The following SHPK variants were observed in gnomAD, a reference collection of about 807,000 sequenced individuals.
SHPK encodes sedoheptulokinase, also known as carbohydrate kinase-like protein.
SHPK carries 51 observed loss-of-function variants against 46.3 expected under a neutral mutation model. The observed-to-expected ratio is 1.10, with a 90% confidence interval of 0.88 to 1.39. SHPK has a LOEUF of 1.39. SHPK is among the 40% of genes most tolerant of loss of function. The pLI, the probability that SHPK is intolerant of heterozygous loss-of-function variation, is 0.00. For synonymous variants in SHPK, 290 were observed against 273.9 expected (o/e 1.06, Z -0.58); for missense variants, 668 against 641.3 (o/e 1.04, Z -0.45).
In SHPK at chr17:3,610,617, T is replaced by C. The variant is rs1180066047; in HGVS notation, c.1380A>G (p.Ala460=). ...GCATGACCAGAGCTGCCCCGACAGC[T>C]GCATCCACATCCTGCCCAAAGGACA... is the stretch of plus-strand genomic sequence containing the variant. ...LPMSFGQDVD[A]AVGAALVMLR... Residue 460 remains alanine, a synonymous_variant, in exon 7 of 7, where the codon GCA becomes GCG. Transcript: ENST00000225519. 6 of 1,613,770 alleles carry C rather than the reference T, an allele frequency of 3.7e-6. No homozygotes were observed. The highest frequency in any genetic ancestry group is 5.1e-6 in the Non-Finnish European group (6 of 1,179,842).
chr17:3,619,764 A>G (rs2075389257), intron 5 of SHPK: 4 of 411,820 alleles, frequency 9.7e-6, no homozygotes, highest in Non-Finnish European at 1.9e-5. Context: ...AAGAAGAATG[A>G]TTTGTAGATG....
At position 3,625,858 on chromosome 17, in the gene SHPK, G is replaced by T. The variant is rs146373904; in HGVS notation, c.311-1627C>A. Among the ~76,000 whole-genome samples, 28 of 152,302 alleles carry T rather than the reference G, an allele frequency of 1.8e-4. No homozygotes were observed. The East Asian group carries it at 4.6e-3, about 25-fold the overall frequency. On this transcript the variant is annotated intron_variant, in intron 2 of 6. Coordinates refer to ENST00000225519, the MANE Select transcript of SHPK (RefSeq NM_013276.4). ...ACCTGAGGTGAGGAGTTCGAGACCA[G>T]CCTGGACAACATGGCGAAACCCCAT...
At position 3,615,339 on chromosome 17, in the gene SHPK, A is replaced by G; in HGVS notation, c.1022T>C (p.Leu341Pro). The G allele has an allele frequency of 6.2e-7, 1 of 1,614,062 alleles. No individual in the cohort carries two copies. The highest frequency in any genetic ancestry group is 1.1e-5 in the South Asian group (1 of 91,084). ...VHMLVQWMADLGLEVEESTVY... is the reference protein window; with the variant it reads ...VHMLVQWMADPGLEVEESTVY... ...GCGCTGTGTGGGCCACACCTTACCT[A>G]GATCTGCCATCCACTGAACCAGCAT... is the stretch of plus-strand genomic sequence containing the variant. Residue 341 changes from leucine (L) to proline (P), a missense_variant and splice_region_variant, in exon 6 of 7, where the codon CTA (leucine) becomes CCA (proline). Physicochemically the swap from Leu to Pro is moderately conservative, Grantham distance 98 (BLOSUM62 -3). Coordinates refer to ENST00000225519, the MANE Select transcript of SHPK (RefSeq NM_013276.4).
intron 5 of SHPK, among the ~76,000 whole-genome samples, chr17:3,617,282 G>A (rs1360952315): frequency 6.6e-6 from 1 of 152,156 alleles, no homozygotes; most frequent in African/African-American, 2.4e-5. Flanking sequence ...CTGAGCCTTG[G>A]CACTCACTGC....
intron 5 of SHPK, chr17:3,619,396 C>A: frequency 6.4e-7 from 1 of 1,552,932 alleles, no homozygotes; most frequent in Non-Finnish European, 8.9e-7. Context: ...ATCTTCTCTG[C>A]TTGTAGGGCA....
At chr17:3,615,559 G>C (rs763520732) in intron 5 of SHPK, 22 bp from the exon 6 acceptor site, 3 of 1,608,826 alleles carry the variant, frequency 1.9e-6, no homozygotes, top group Non-Finnish European at 2.6e-6. Context: ...AGAGAGCAGA[G>C]CTTAGGCCTG....
At chr17:3,611,870 A>G (rs2075342353) in intron 6 of SHPK, among the ~76,000 whole-genome samples, 1 of 131,456 alleles carries the variant, frequency 7.6e-6, no homozygotes, top group Admixed American at 9.4e-5. Flanking sequence ...CACATATCCT[A>G]TCGGCTCACT....
chr17:3,626,911 T>TA (rs1338692145), intron 2 of SHPK, among the ~76,000 whole-genome samples: 4 of 151,538 alleles, frequency 2.6e-5, no homozygotes, highest in Admixed American at 1.3e-4. Context: ...AAATAAAAAA[T>TA]AAAAAAAATA....
In SHPK at chr17:3,623,449, G is replaced by GTGGA; in HGVS notation, c.533_536dup (p.Asp180ProfsTer68). 3.1e-6 allele frequency: 5 copies of GTGGA among 1,614,162 alleles called. No homozygotes were observed. Among genetic ancestry groups the GTGGA allele is most frequent in the Non-Finnish European group, 3.4e-6 (4 of 1,179,968 alleles). ...CACACAGCATGGCAACCACATAGTC[G>GTGGA]TGGATGGTACCGGCTGCGTCGTAGG... On this transcript the variant is annotated frameshift_variant, in exon 4 of 7. Coordinates refer to ENST00000225519, the MANE Select transcript of SHPK (RefSeq NM_013276.4). LOFTEE classifies it high-confidence loss of function.
chr17:3,634,932 G>A (rs963927028), intron 1 of SHPK, among the ~76,000 whole-genome samples: 1 of 152,048 alleles, frequency 6.6e-6, no homozygotes, highest in Non-Finnish European at 1.5e-5. Context: ...AGCACTTTGG[G>A]AGGCTGAAGT....
At position 3,611,037 on chromosome 17, in the gene SHPK, G is replaced by C. The variant is rs1320821979; in HGVS notation, c.1025-65C>G. ...CCCCTCAGTGCAGGCTGACATGGCA[G>C]AGAATTCCCACAGGGTGGGAACAGC... On this transcript the variant is annotated intron_variant, in intron 6 of 6. Coordinates refer to ENST00000225519, the MANE Select transcript of SHPK (RefSeq NM_013276.4). The C allele has an allele frequency of 2.1e-6, 3 of 1,459,236 alleles. No individual in the cohort carries two copies. The East Asian group carries it at 6.9e-5, about 34-fold the overall frequency. The allele number at this position is 1,459,236 out of a possible 1,614,324, so 90.4% of individuals were successfully genotyped here.
At chr17:3,611,052 G>A in intron 6 of SHPK, 80 bp from the exon 7 acceptor site, 1 of 1,363,428 alleles carries the variant, frequency 7.3e-7, no homozygotes, top group Non-Finnish European at 1.0e-6. Flanking sequence ...TTCCCACAGG[G>A]TGGGAACAGC....
At chr17:3,630,177 C>G in intron 2 of SHPK, 28 bp downstream of exon 2, 1 of 1,613,664 alleles carries the variant, frequency 6.2e-7, no homozygotes, top group Non-Finnish European at 8.5e-7. Context: ...CTGCTACCAG[C>G]CTGAGAGCAT....
chr17:3,619,126 ATTG>A (rs1045900008), intron 5 of SHPK: 11 of 285,762 alleles, frequency 3.8e-5, no homozygotes, highest in Non-Finnish European at 7.3e-5. Context: ...CATAACTTAA[ATTG>A]TTATTTTTTT....
chr17:3,624,014 C>T (rs930077735), intron 3 of SHPK, 34 bp downstream of exon 3: 19 of 1,573,254 alleles, frequency 1.2e-5, no homozygotes, highest in Non-Finnish European at 1.6e-5. Context: ...CTCCCGGAAA[C>T]CCAGCACCCG....
In SHPK at chr17:3,620,791, C is replaced by T. The variant is rs374082738; in HGVS notation, c.823+446G>A. Among the ~76,000 whole-genome samples, 124 of 152,056 alleles carry T rather than the reference C, an allele frequency of 8.2e-4. No individual in the cohort carries two copies. The East Asian group carries it at 0.018, about 22-fold the overall frequency. On this transcript the variant is annotated intron_variant, in intron 5 of 6. Coordinates refer to ENST00000225519, the MANE Select transcript of SHPK (RefSeq NM_013276.4). ...GGCCAGGCTGGTCTTGAACTCCTGACCTCGTGATCCGCCTGCCTCGGCCTC... is the reference window on the plus strand; with the variant it reads ...GGCCAGGCTGGTCTTGAACTCCTGATCTCGTGATCCGCCTGCCTCGGCCTC...
At chr17:3,632,568 G>A (rs915436404) in intron 1 of SHPK, among the ~76,000 whole-genome samples, 1 of 152,080 alleles carries the variant, frequency 6.6e-6, no homozygotes, top group East Asian at 1.9e-4. Flanking sequence ...GCAGTGTTCA[G>A]CAGTTAGAAA....
intron 1 of SHPK, among the ~76,000 whole-genome samples, chr17:3,635,027 C>T (rs2075500729): frequency 6.6e-6 from 1 of 151,802 alleles, no homozygotes; most frequent in Non-Finnish European, 1.5e-5. Flanking sequence ...CAAAAAGTAG[C>T]CGGGCGCGGT....
rs1322501787 is a variant in SHPK, at chr17:3,610,955, A to T, written c.1042T>A (p.Ser348Thr). ...MADLGLEVEE[S>T]TVYSRMIQAA... ...TGAATCATGCGTGAATACACAGTGG[A>T]TTCTTCAACCTCCAGGCCTGCCAGA... The change falls in exon 7 of 7, where the codon TCC becomes ACC. Residue 348 changes from serine to threonine, a missense_variant. Transcript: ENST00000225519. 6.2e-7 allele frequency: 1 copy of T among 1,607,268 alleles called. No homozygotes were observed. Among genetic ancestry groups the T allele is most frequent in the Admixed American group, 1.7e-5 (1 of 59,880 alleles).
Sources: gnomAD v4.1 joint callset for allele counts (sites outside exome capture counted in the v4.1 genomes callset) on GRCh38, gnomAD v4.1.1 for gene constraint, MANE v1.5 for transcripts, NCBI Gene and HGNC (gene_info 2026-07-23, HGNC 2026-07-21) for gene names.